PRRX1: variants seen among roughly 807,000 people sequenced by gnomAD.
PRRX1 encodes paired mesoderm homeobox protein 1.
PRRX1 carries 8 observed loss-of-function variants against 24.0 expected under a neutral mutation model. That is an observed-to-expected ratio of 0.33 (90% CI 0.20 to 0.60). The LOEUF (loss-of-function observed/expected upper bound fraction) is 0.60, where lower values mean the gene tolerates loss of function less well. Among genes scored for constraint, PRRX1 ranks in the 20% least tolerant of loss-of-function variants. PRRX1 has a pLI of 0.82. For synonymous variants in PRRX1, 160 were observed against 131.7 expected (o/e 1.22, Z -1.47); for missense variants, 281 against 322.4 (o/e 0.87, Z 0.98).
chr1:170,726,455 C>G, intron 3 of PRRX1, 54 bp downstream of exon 3: 2 of 1,581,626 alleles, frequency 1.3e-6, no homozygotes, highest in Non-Finnish European at 1.7e-6. Context: ...TCTCAGCGGT[C>G]GGTCATGTTT....
At chr1:170,665,228 G>A (rs2101879825) in intron 1 of PRRX1, among the ~76,000 whole-genome samples, 1 of 152,370 alleles carries the variant, frequency 6.6e-6, no homozygotes, top group Non-Finnish European at 1.5e-5. Context: ...GAGCTTCAGT[G>A]CGGAGGCCAG....
At chr1:170,695,868 C>A (rs1450131114) in intron 1 of PRRX1, among the ~76,000 whole-genome samples, 3 of 152,068 alleles carry the variant, frequency 2.0e-5, no homozygotes, top group Non-Finnish European at 2.9e-5. Context: ...TTCTCTGAGA[C>A]CTTTGATGGA....
At chr1:170,712,219 GA>G (rs1240131045) in intron 1 of PRRX1, among the ~76,000 whole-genome samples, 2 of 151,996 alleles carry the variant, frequency 1.3e-5, no homozygotes, top group African/African-American at 4.8e-5. Flanking sequence ...TTGAATTTAA[GA>G]AGGCAAGTTG....
intron 1 of PRRX1, among the ~76,000 whole-genome samples, chr1:170,669,697 T>C (rs1653079759): frequency 6.6e-6 from 1 of 152,038 alleles, no homozygotes. Context: ...AAACCCTCCT[T>C]GGCGGAAGCA....
chr1:170,696,423 A>G (rs184243703), intron 1 of PRRX1, among the ~76,000 whole-genome samples: 1 of 152,282 alleles, frequency 6.6e-6, no homozygotes, highest in Non-Finnish European at 1.5e-5. Flanking sequence ...ATGAAAAGAT[A>G]ACATAAGGTG....
chr1:170,725,922 G>A (rs1289522372), intron 2 of PRRX1, among the ~76,000 whole-genome samples: 1 of 152,164 alleles, frequency 6.6e-6, no homozygotes, highest in East Asian at 1.9e-4. Flanking sequence ...ATTGTAACAG[G>A]GATTATAACC....
intron 1 of PRRX1, among the ~76,000 whole-genome samples, chr1:170,680,036 C>A (rs1311164034): frequency 6.6e-6 from 1 of 152,110 alleles, no homozygotes; most frequent in Non-Finnish European, 1.5e-5. Flanking sequence ...TCAACATAAC[C>A]TATCCAAATG....
chr1:170,681,494 C>A (rs1404273218), intron 1 of PRRX1, among the ~76,000 whole-genome samples: 67 of 143,770 alleles, frequency 4.7e-4, no homozygotes, highest in African/African-American at 4.3e-4. Context: ...GTTATCTTTG[C>A]AAAAAAAAAA....
rs1361700647 is a variant in PRRX1 at position 170,716,937 on chromosome 1, CA to C, written c.242-2788del. 8.5e-5 allele frequency among the ~76,000 whole-genome samples: 13 copies of C among 152,278 alleles called. No homozygotes were observed. In the East Asian group the frequency reaches 2.5e-3, roughly 29 times the overall value. ...AGATACTGTGCTGGGTCCTGTTCTGCATTCTTGGGGAAAAACAGGGAGCTCA... is the reference window on the plus strand; with the variant it reads ...AGATACTGTGCTGGGTCCTGTTCTGCTTCTTGGGGAAAAACAGGGAGCTCA... On this transcript the variant is annotated intron_variant, in intron 1 of 3. Coordinates refer to ENST00000239461, the MANE Select transcript of PRRX1 (RefSeq NM_022716.4).
intron 3 of PRRX1, among the ~76,000 whole-genome samples, chr1:170,731,524 T>C (rs1655436853): frequency 6.6e-6 from 1 of 152,168 alleles, no homozygotes; most frequent in African/African-American, 2.4e-5. Flanking sequence ...ACACTATAGG[T>C]GTTTAGAAAG....
intron 1 of PRRX1, among the ~76,000 whole-genome samples, chr1:170,701,396 G>A (rs1220376309): frequency 6.6e-6 from 1 of 152,102 alleles, no homozygotes; most frequent in East Asian, 1.9e-4. Context: ...ACACAACATA[G>A]GAACTCTGAA....
intron 1 of PRRX1, among the ~76,000 whole-genome samples, chr1:170,690,123 TCC>T (rs5778676): frequency 6.7e-6 from 1 of 149,718 alleles, no homozygotes. Context: ...ACTCCTCCCC[TCC>T]CCCCCCATTT....
At chr1:170,666,916 G>C (rs1652957469) in intron 1 of PRRX1, among the ~76,000 whole-genome samples, 1 of 152,100 alleles carries the variant, frequency 6.6e-6, no homozygotes, top group Non-Finnish European at 1.5e-5. Flanking sequence ...CGGTGGCTGG[G>C]AGGCTGCCCT....
At chr1:170,677,493 C>G (rs1042814073) in intron 1 of PRRX1, among the ~76,000 whole-genome samples, 1 of 152,202 alleles carries the variant, frequency 6.6e-6, no homozygotes, top group Non-Finnish European at 1.5e-5. Context: ...ACTAGTATGA[C>G]TTATTTCAGG....
chr1:170,731,327 T>TG (rs34586272), intron 3 of PRRX1, among the ~76,000 whole-genome samples: 21,679 of 152,170 alleles, frequency 0.14, 2,160 homozygotes, highest in East Asian at 0.46. Context: ...AATCCTGAGC[T>TG]GGTGAAACCC....
At chr1:170,715,462 A>C (rs1654877498) in intron 1 of PRRX1, among the ~76,000 whole-genome samples, 1 of 152,180 alleles carries the variant, frequency 6.6e-6, no homozygotes, top group African/African-American at 2.4e-5. Flanking sequence ...TTGATAATAT[A>C]CTAATATATG....
rs1008138670 is a variant in PRRX1, at chr1:170,737,460, A to G, written c.*1274A>G. 3 of 200,664 alleles carry G rather than the reference A, an allele frequency of 1.5e-5. No individual in the cohort carries two copies. The highest frequency in any genetic ancestry group is 3.1e-5 in the Non-Finnish European group (3 of 97,444). The allele number at this position is 200,664 out of a possible 1,614,324, so 12.4% of individuals were successfully genotyped here. A position where few individuals can be genotyped will look rare whatever the true frequency, so the allele number is the denominator to read the frequency against. On this transcript the variant is annotated 3_prime_UTR_variant, in exon 4 of 4. Transcript: ENST00000239461. ...GAGCCTGAGCTCTGGTGAAATGCTG[A>G]TACATCTGATCTATCATGGGAATTG...
intron 1 of PRRX1, among the ~76,000 whole-genome samples, chr1:170,698,877 G>T (rs61640808): frequency 0.024 from 3,608 of 152,156 alleles, 141 homozygotes; most frequent in African/African-American, 0.078. Context: ...TGTCAAGGGG[G>T]TCTCTGGAGA....
At chr1:170,675,542 CTTTTAGAGGTATACGTAAGAT>C (rs1653291972) in intron 1 of PRRX1, among the ~76,000 whole-genome samples, 11 of 151,890 alleles carry the variant, frequency 7.2e-5, no homozygotes, top group African/African-American at 2.7e-4. Flanking sequence ...TTCTTTATAC[CTTTTAGAGGTATACGTAAGAT>C]AGTGACATCT....
Sources: gnomAD v4.1 joint callset for allele counts (sites outside exome capture counted in the v4.1 genomes callset) on GRCh38, gnomAD v4.1.1 for gene constraint, MANE v1.5 for transcripts, NCBI Gene and HGNC (gene_info 2026-07-23, HGNC 2026-07-21) for gene names.